Variants in GLIS3 observed in about 807,000 individuals in gnomAD.
The protein encoded by GLIS3 is zinc finger protein GLIS3.
A neutral mutation model predicts 78.6 loss-of-function variants in GLIS3; 53 were observed. The observed-to-expected ratio is 0.67, with a 90% confidence interval of 0.54 to 0.85. GLIS3 has a LOEUF of 0.85. Among genes scored for constraint, GLIS3 ranks in the 40% least tolerant of loss-of-function variants. GLIS3 has a pLI of 0.00. For synonymous variants in GLIS3, 684 were observed against 509.9 expected (o/e 1.34, Z -4.60); for missense variants, 1,703 against 1,231.1 (o/e 1.38, Z -5.74).
chr9:4,003,374 G>T (rs142325614), intron 4 of GLIS3, among the ~76,000 whole-genome samples: 64 of 152,258 alleles, frequency 4.2e-4, no homozygotes, highest in African/African-American at 1.5e-3. Context: ...CAGAGATAGA[G>T]GTAGGAGACA....
chr9:4,150,446 G>A (rs1355490022), intron 2 of GLIS3, among the ~76,000 whole-genome samples: 1 of 152,216 alleles, frequency 6.6e-6, no homozygotes, highest in Non-Finnish European at 1.5e-5. Context: ...AGGAGGCCAA[G>A]TTCAGTCTGT....
At chr9:4,347,512 C>G (rs573219942) in intron 1 of GLIS3, among the ~76,000 whole-genome samples, 2 of 152,178 alleles carry the variant, frequency 1.3e-5, no homozygotes, top group Non-Finnish European at 2.9e-5. Flanking sequence ...CACTCCAGAT[C>G]AAGTGAATCA....
intron 8 of GLIS3, 105 bp downstream of exon 8, chr9:3,879,322 C>G (rs998072159): frequency 2.7e-6 from 3 of 1,117,362 alleles, no homozygotes; most frequent in Non-Finnish European, 4.1e-6. Context: ...GGTAACTCAA[C>G]CCACCAACGG....
At chr9:4,140,305 C>T (rs929808733) in intron 2 of GLIS3, among the ~76,000 whole-genome samples, 5 of 152,200 alleles carry the variant, frequency 3.3e-5, no homozygotes, top group Non-Finnish European at 5.9e-5. Context: ...GCCTGGGTGA[C>T]AAAGTGAGAC....
intron 2 of GLIS3, among the ~76,000 whole-genome samples, chr9:4,134,999 T>G (rs1286468018): frequency 1.3e-5 from 2 of 152,136 alleles, no homozygotes; most frequent in African/African-American, 4.8e-5. Flanking sequence ...CACAAAGTTA[T>G]GCCTTCCAAC....
chr9:4,275,305 A>C (rs10974427), intron 2 of GLIS3, among the ~76,000 whole-genome samples: 87 of 152,214 alleles, frequency 5.7e-4, no homozygotes, highest in Non-Finnish European at 1.0e-3. Flanking sequence ...TCATGGATGG[A>C]AACGACAGCT....
chr9:3,875,286 C>G (rs1005886362), intron 8 of GLIS3, among the ~76,000 whole-genome samples: 1 of 152,092 alleles, frequency 6.6e-6, no homozygotes, highest in Admixed American at 6.6e-5. Context: ...ATGTGTCATT[C>G]AGATAATATT....
chr9:4,155,792 A>T (rs957865449), intron 2 of GLIS3, among the ~76,000 whole-genome samples: 40 of 152,242 alleles, frequency 2.6e-4, no homozygotes, highest in African/African-American at 8.9e-4. Flanking sequence ...TTCTGATTCA[A>T]TGGGTGTACG....
chr9:4,228,264 T>C (rs916737012), intron 2 of GLIS3, among the ~76,000 whole-genome samples: 1 of 150,606 alleles, frequency 6.6e-6, no homozygotes, highest in Non-Finnish European at 1.5e-5. Flanking sequence ...AATTTAGTTT[T>C]AAAATGCTGT....
intron 2 of GLIS3, among the ~76,000 whole-genome samples, chr9:4,262,800 CCT>C: frequency 6.6e-6 from 1 of 152,004 alleles, no homozygotes; most frequent in African/African-American, 2.4e-5. Flanking sequence ...CACAGCATCC[CCT>C]GAAAGCCCAG....
chr9:4,296,794 T>C (rs868752419), intron 1 of GLIS3, among the ~76,000 whole-genome samples: 1 of 151,854 alleles, frequency 6.6e-6, no homozygotes, highest in Non-Finnish European at 1.5e-5. Context: ...TACACTTCCT[T>C]TCAAAGGTAG....
chr9:4,152,154 T>G, intron 2 of GLIS3: 2 of 980,538 alleles, frequency 2.0e-6, no homozygotes, highest in Non-Finnish European at 2.4e-6. Flanking sequence ...AAAACTCTGC[T>G]TCCTCCAACA....
chr9:3,955,716 T>C (rs1204537477), intron 4 of GLIS3, among the ~76,000 whole-genome samples: 1 of 152,136 alleles, frequency 6.6e-6, no homozygotes, highest in African/African-American at 2.4e-5. Flanking sequence ...TCCCTGCATT[T>C]AGGGATTCAA....
chr9:4,072,907 T>A (rs1339129220), intron 4 of GLIS3, among the ~76,000 whole-genome samples: 1 of 152,142 alleles, frequency 6.6e-6, no homozygotes, highest in Admixed American at 6.6e-5. Flanking sequence ...CAAATCGAAC[T>A]GAAAGCCCAA....
intron 8 of GLIS3, among the ~76,000 whole-genome samples, chr9:3,860,906 G>T (rs1276524807): frequency 1.3e-5 from 2 of 152,180 alleles, no homozygotes; most frequent in East Asian, 3.9e-4. Flanking sequence ...GTATATTTTA[G>T]TAAGGGGAGA....
the GLIS3 span, among the ~76,000 whole-genome samples, chr9:4,366,578 T>C: frequency 6.6e-6 from 1 of 152,202 alleles, no homozygotes; most frequent in Non-Finnish European, 1.5e-5. Context: ...TTAAAAACCA[T>C]GAACCTTCCT....
intron 4 of GLIS3, chr9:4,034,879 G>C (rs182657202): frequency 6.6e-6 from 1 of 152,046 alleles, no homozygotes; most frequent in African/African-American, 2.4e-5. Context: ...GTGGTGAGGG[G>C]GACCAAAACA....
intron 4 of GLIS3, among the ~76,000 whole-genome samples, chr9:4,003,097 A>G (rs1373987634): frequency 6.6e-6 from 1 of 152,202 alleles, no homozygotes. Flanking sequence ...TTTTATATAT[A>G]GGCTGAGCAC....
intron 2 of GLIS3, among the ~76,000 whole-genome samples, chr9:4,180,499 C>G (rs1000345106): frequency 6.6e-6 from 1 of 152,146 alleles, no homozygotes. Context: ...ATGAAACACC[C>G]TTTGTGACAT....
Sources: gnomAD v4.1 joint callset for allele counts (sites outside exome capture counted in the v4.1 genomes callset) on GRCh38, gnomAD v4.1.1 for gene constraint, MANE v1.5 for transcripts, NCBI Gene and HGNC (gene_info 2026-07-23, HGNC 2026-07-21) for gene names.